FBXL7: variants seen among roughly 807,000 people sequenced by gnomAD.
FBXL7 encodes the protein F-box and leucine rich repeat protein 7, also known as F-box/LRR-repeat protein 7.
FBXL7 carries 12 observed loss-of-function variants against 38.3 expected under a neutral mutation model. That is an observed-to-expected ratio of 0.31 (90% CI 0.20 to 0.51). FBXL7 has a LOEUF of 0.51. FBXL7 is among the 20% of genes least tolerant of loss of function. The pLI is 0.98. For synonymous variants in FBXL7, 297 were observed against 300.9 expected (o/e 0.99, Z 0.13); for missense variants, 567 against 676.4 (o/e 0.84, Z 1.79).
chr5:15,516,199 C>T (rs771851068), intron 1 of FBXL7, among the ~76,000 whole-genome samples: 2 of 152,140 alleles, frequency 1.3e-5, no homozygotes, highest in Non-Finnish European at 2.9e-5. Context: ...ACTCAGTGTT[C>T]CCTAAACATA....
At chr5:15,622,180 G>A (rs959144432) in intron 2 of FBXL7, among the ~76,000 whole-genome samples, 4 of 151,956 alleles carry the variant, frequency 2.6e-5, no homozygotes, top group Non-Finnish European at 4.4e-5. Context: ...TGGTGTATTT[G>A]CTCAATAAAT....
intron 2 of FBXL7, among the ~76,000 whole-genome samples, chr5:15,803,598 C>G (rs528977066): frequency 3.3e-5 from 5 of 150,784 alleles, no homozygotes; most frequent in East Asian, 3.9e-4. Context: ...CTCTCTTTCT[C>G]TCTGCATTCC....
chr5:15,683,400 C>G (rs553667556), intron 2 of FBXL7, among the ~76,000 whole-genome samples: 1 of 152,302 alleles, frequency 6.6e-6, no homozygotes, highest in East Asian at 1.9e-4. Context: ...TCACCTAACC[C>G]TGCTGGGGCT....
chr5:15,749,244 C>CAAAAAAA (rs70938027), intron 2 of FBXL7, among the ~76,000 whole-genome samples: 8 of 70,090 alleles, frequency 1.1e-4, no homozygotes, highest in African/African-American at 4.9e-4. Flanking sequence ...GACTCTGTCT[C>CAAAAAAA]AAAAAAAAAA....
At chr5:15,569,792 A>G in intron 1 of FBXL7, among the ~76,000 whole-genome samples, 1 of 152,218 alleles carries the variant, frequency 6.6e-6, no homozygotes, top group Non-Finnish European at 1.5e-5. Flanking sequence ...GAGAGTTTTT[A>G]GCATGAAGCG....
intron 2 of FBXL7, among the ~76,000 whole-genome samples, chr5:15,914,113 G>A (rs943757635): frequency 2.6e-5 from 4 of 152,284 alleles, no homozygotes; most frequent in South Asian, 2.1e-4. Flanking sequence ...CCGGGCGGGC[G>A]TGGTGGCTCA....
intron 2 of FBXL7, among the ~76,000 whole-genome samples, chr5:15,851,553 C>G (rs556603178): frequency 3.9e-5 from 6 of 152,252 alleles, no homozygotes; most frequent in East Asian, 3.9e-4. Context: ...GCCTCTTGTT[C>G]TGCCCGTGAG....
intron 2 of FBXL7, among the ~76,000 whole-genome samples, chr5:15,659,799 C>T (rs150499554): frequency 5.9e-5 from 9 of 152,074 alleles, no homozygotes; most frequent in African/African-American, 1.2e-4. Context: ...ATGACAATGT[C>T]GTCACCATAT....
intron 2 of FBXL7, among the ~76,000 whole-genome samples, chr5:15,697,872 C>G (rs1044221159): frequency 2.6e-5 from 4 of 152,146 alleles, no homozygotes; most frequent in Admixed American, 2.0e-4. Context: ...TATCCTAGAG[C>G]TAAGAGCTAA....
intron 2 of FBXL7, among the ~76,000 whole-genome samples, chr5:15,918,907 A>G (rs1198571824): frequency 2.0e-5 from 3 of 152,226 alleles, no homozygotes; most frequent in Non-Finnish European, 4.4e-5. Flanking sequence ...GTCTGCATAC[A>G]TTTCTACTTT....
chr5:15,785,082 C>T (rs1025982493), intron 2 of FBXL7, among the ~76,000 whole-genome samples: 1 of 152,182 alleles, frequency 6.6e-6, no homozygotes, highest in Non-Finnish European at 1.5e-5. Context: ...GTCTAACTAG[C>T]ACGAGACTCT....
chr5:15,776,913 A>G (rs1381336461), intron 2 of FBXL7, among the ~76,000 whole-genome samples: 4 of 152,130 alleles, frequency 2.6e-5, no homozygotes, highest in Admixed American at 2.6e-4. Context: ...ACCTGATTAC[A>G]TATATATCTT....
At chr5:15,918,612 C>A (rs905857988) in intron 2 of FBXL7, among the ~76,000 whole-genome samples, 1 of 152,208 alleles carries the variant, frequency 6.6e-6, no homozygotes, top group African/African-American at 2.4e-5. Flanking sequence ...CTGGGCAACA[C>A]TGGAAAACTG....
intron 1 of FBXL7, among the ~76,000 whole-genome samples, chr5:15,505,450 A>G (rs908819318): frequency 6.6e-6 from 1 of 152,176 alleles, no homozygotes; most frequent in South Asian, 2.1e-4. Context: ...CTATGGGCCC[A>G]GGACTCATAG....
At chr5:15,825,534 C>T (rs953634510) in intron 2 of FBXL7, among the ~76,000 whole-genome samples, 2 of 152,164 alleles carry the variant, frequency 1.3e-5, no homozygotes, top group African/African-American at 4.8e-5. Context: ...CAGCTTCTAG[C>T]CAACAGAAAG....
intron 2 of FBXL7, among the ~76,000 whole-genome samples, chr5:15,692,317 G>A (rs981061152): frequency 7.9e-5 from 12 of 152,096 alleles, no homozygotes; most frequent in Admixed American, 3.3e-4. Flanking sequence ...CTAAGTATTA[G>A]CCCTTGTTAT....
intron 2 of FBXL7, among the ~76,000 whole-genome samples, chr5:15,760,215 C>A (rs1314130109): frequency 6.6e-6 from 1 of 151,958 alleles, no homozygotes; most frequent in South Asian, 2.1e-4. Flanking sequence ...AGTTTTATAC[C>A]CATTGTGCAC....
At chr5:15,814,308 T>C (rs1737951636) in intron 2 of FBXL7, among the ~76,000 whole-genome samples, 1 of 152,106 alleles carries the variant, frequency 6.6e-6, no homozygotes, top group African/African-American at 2.4e-5. Flanking sequence ...ACCATCATTC[T>C]CGGCAAACTG....
At chr5:15,503,054 A>T (rs1736541224) in intron 1 of FBXL7, among the ~76,000 whole-genome samples, 1 of 152,216 alleles carries the variant, frequency 6.6e-6, no homozygotes, top group South Asian at 2.1e-4. Flanking sequence ...GTACTTCTAT[A>T]TTTGAGTCCC....
Sources: gnomAD v4.1 joint callset for allele counts (sites outside exome capture counted in the v4.1 genomes callset) on GRCh38, gnomAD v4.1.1 for gene constraint, MANE v1.5 for transcripts, NCBI Gene and HGNC (gene_info 2026-07-23, HGNC 2026-07-21) for gene names.